TCF7L2: variants seen among roughly 807,000 people sequenced by gnomAD.
TCF7L2 encodes transcription factor 7 like 2, also known as transcription factor 7-like 2.
In TCF7L2, 23 loss-of-function variants were observed where a neutral mutation model predicts 77.9. The observed-to-expected ratio is 0.30, with a 90% confidence interval of 0.21 to 0.42. TCF7L2 has a LOEUF of 0.42. TCF7L2 is among the 10% of genes least tolerant of loss of function. TCF7L2 has a pLI of 1.00. For missense variants in TCF7L2, 654 were observed against 793.1 expected (o/e 0.82, Z 2.11); for synonymous variants, 413 against 340.2 (o/e 1.21, Z -2.36).
intron 4 of TCF7L2, among the ~76,000 whole-genome samples, chr10:112,982,798 T>C (rs939102193): frequency 2.0e-5 from 3 of 152,100 alleles, no homozygotes; most frequent in African/African-American, 4.8e-5. Flanking sequence ...CTAATTTTTG[T>C]ATTTTTAGTA....
chr10:113,121,361 G>A (rs549974525), intron 5 of TCF7L2, among the ~76,000 whole-genome samples: 8 of 152,256 alleles, frequency 5.3e-5, no homozygotes, highest in South Asian at 2.1e-4. Flanking sequence ...AGAAATTGCC[G>A]TCCTGTTGAT....
chr10:113,134,006 A>G (rs375653961), intron 5 of TCF7L2, among the ~76,000 whole-genome samples: 3 of 152,238 alleles, frequency 2.0e-5, no homozygotes, highest in African/African-American at 7.2e-5. Flanking sequence ...CTTTTCTCTT[A>G]CCACCTTGTT....
intron 4 of TCF7L2, among the ~76,000 whole-genome samples, chr10:113,021,847 A>C (rs1482566513): frequency 6.6e-6 from 1 of 152,180 alleles, no homozygotes; most frequent in Non-Finnish European, 1.5e-5. Flanking sequence ...GGAAATCCAC[A>C]CTGGTCTTTG....
At chr10:112,951,315 C>G (rs1329826347) in intron 2 of TCF7L2, 42 bp downstream of exon 2, 6 of 1,038,880 alleles carry the variant, frequency 5.8e-6, no homozygotes, top group Admixed American at 5.8e-5. Flanking sequence ...CGGAGCCGCC[C>G]CCCGGGCCGG....
intron 5 of TCF7L2, among the ~76,000 whole-genome samples, chr10:113,126,367 A>T (rs758461750): frequency 4.6e-5 from 7 of 152,156 alleles, no homozygotes; most frequent in Non-Finnish European, 5.9e-5. Flanking sequence ...CCTTCTCTGA[A>T]TGGCATCAGA....
intron 5 of TCF7L2, among the ~76,000 whole-genome samples, chr10:113,099,215 T>C (rs2061370448): frequency 6.6e-6 from 1 of 152,234 alleles, no homozygotes; most frequent in African/African-American, 2.4e-5. Flanking sequence ...AAATATGTTA[T>C]TGCTAACCAT....
chr10:113,005,035 T>G (rs1282073896), intron 4 of TCF7L2, among the ~76,000 whole-genome samples: 1 of 152,196 alleles, frequency 6.6e-6, no homozygotes, highest in East Asian at 1.9e-4. Flanking sequence ...GTAAGCCTCT[T>G]GTAGCTGCCT....
At position 113,167,219 on chromosome 10, in the gene TCF7L2, G is replaced by A; in HGVS notation, c.*1247G>A. 1 of 229,134 alleles carries A rather than the reference G, an allele frequency of 4.4e-6. No individual in the cohort carries two copies. The allele number at this position is 229,134 out of a possible 1,614,324, so 14.2% of individuals were successfully genotyped here. On this transcript the variant is annotated 3_prime_UTR_variant, in exon 14 of 14. Transcript: ENST00000627217. ...AATGTGTTTGGTAGCAGATTGTCCA[G>A]AAAGCATTTTAAATGAAGAGGTATA...
chr10:112,979,253 T>A (rs979145159), intron 4 of TCF7L2, among the ~76,000 whole-genome samples: 1 of 152,078 alleles, frequency 6.6e-6, no homozygotes, highest in African/African-American at 2.4e-5. Flanking sequence ...TCAGTACCCA[T>A]AAATCTAATG....
At chr10:113,146,635 A>T (rs79638422) in intron 8 of TCF7L2, among the ~76,000 whole-genome samples, 15,366 of 146,518 alleles carry the variant, frequency 0.1, 1,198 homozygotes, top group East Asian at 0.27. Context: ...TTTTTTTTTT[A>T]AAAAAAAGAT....
intron 5 of TCF7L2, among the ~76,000 whole-genome samples, chr10:113,109,370 T>C (rs1341733917): frequency 6.6e-6 from 1 of 152,202 alleles, no homozygotes; most frequent in Non-Finnish European, 1.5e-5. Flanking sequence ...GTGTGGGATT[T>C]ATTTTTTAAT....
chr10:112,964,619 G>A lies in TCF7L2; in HGVS notation c.445G>A (p.Val149Ile), dbSNP rs371724482. Reference sequence around the variant, plus strand: ...CAAAACGATTGAACACCAGATTGCAGTTCAGGTAGGAAACGCAAGAGATTC... The same window carrying A: ...CAAAACGATTGAACACCAGATTGCAATTCAGGTAGGAAACGCAAGAGATTC... Residue 149 changes from valine (V) to isoleucine (I), a missense_variant, in exon 4 of 14, where the codon GTT becomes ATT. Transcript: ENST00000627217. 1 of 1,613,158 alleles carries A rather than the reference G, an allele frequency of 6.2e-7. No individual in the cohort carries two copies. Among genetic ancestry groups the A allele is most frequent in the Non-Finnish European group, 8.5e-7 (1 of 1,179,302 alleles).
chr10:113,160,561 C>A (rs1179016872), intron 12 of TCF7L2: 2 of 1,483,786 alleles, frequency 1.3e-6, no homozygotes, highest in Non-Finnish European at 1.8e-6. Context: ...GATTTCACAT[C>A]CAACTGAGCA....
intron 4 of TCF7L2, among the ~76,000 whole-genome samples, chr10:113,039,286 G>A (rs941070902): frequency 6.6e-5 from 10 of 152,172 alleles, no homozygotes; most frequent in African/African-American, 2.4e-4. Context: ...CCCTTGGGCC[G>A]TATATTTATT....
chr10:113,109,071 G>A (rs1028796404), intron 5 of TCF7L2, among the ~76,000 whole-genome samples: 2 of 152,148 alleles, frequency 1.3e-5, no homozygotes, highest in Non-Finnish European at 2.9e-5. Flanking sequence ...AAACACACGC[G>A]CGTGCACACA....
chr10:113,060,189 A>G (rs1441349573), intron 5 of TCF7L2, among the ~76,000 whole-genome samples: 1 of 152,240 alleles, frequency 6.6e-6, no homozygotes, highest in Admixed American at 6.5e-5. Flanking sequence ...ATAAAAATGC[A>G]TTTAGTGATA....
In TCF7L2 at chr10:113,107,752, T is replaced by TAAAAAAAAAAAAAAAAAAAA. The variant is rs398014821; in HGVS notation, c.553-33427_553-33408dup. 6.9e-4 allele frequency among the ~76,000 whole-genome samples: 38 copies of TAAAAAAAAAAAAAAAAAAAA among 55,252 alleles called. 3 individuals are homozygous for TAAAAAAAAAAAAAAAAAAAA. The highest frequency in any genetic ancestry group is 1.2e-3 in the Non-Finnish European group (35 of 29,324). The allele number at this position is 55,252 out of a possible 152,430, so 36.2% of individuals were successfully genotyped here. On this transcript the variant is annotated intron_variant, in intron 5 of 13. Transcript: ENST00000627217. ...CTGGGCGACCGAGCGAGACTCCGTCTAAAAAAAAAAAAAAAAAAAAAAAAC... is the reference window on the plus strand; with the variant it reads ...CTGGGCGACCGAGCGAGACTCCGTCTAAAAAAAAAAAAAAAAAAAAAAAAAAAAAAAAAAAAAAAAAAAAC...
At chr10:113,112,091 C>T (rs2063204237) in intron 5 of TCF7L2, among the ~76,000 whole-genome samples, 1 of 152,238 alleles carries the variant, frequency 6.6e-6, no homozygotes, top group African/African-American at 2.4e-5. Flanking sequence ...CCATCTGTGC[C>T]TAATGGGAGT....
Position 113,046,740 on chromosome 10 carries a change from A to G in TCF7L2, c.552+6614A>G, listed in dbSNP as rs1467721527. ...TTTATTTTTAAACGTAGCTTTCTTCATTCATAAAGTTTATGTTCATTGTAG... is the reference window on the plus strand; with the variant it reads ...TTTATTTTTAAACGTAGCTTTCTTCGTTCATAAAGTTTATGTTCATTGTAG... On this transcript the variant is annotated intron_variant, in intron 5 of 13. Transcript: ENST00000627217. Among the ~76,000 whole-genome samples, 4 of 152,182 alleles carry G rather than the reference A, an allele frequency of 2.6e-5. No homozygotes were observed. In the East Asian group the frequency reaches 5.8e-4, roughly 22 times the overall value.
Sources: gnomAD v4.1 joint callset for allele counts (sites outside exome capture counted in the v4.1 genomes callset) on GRCh38, gnomAD v4.1.1 for gene constraint, MANE v1.5 for transcripts, NCBI Gene and HGNC (gene_info 2026-07-23, HGNC 2026-07-21) for gene names.